The following NIBAN2 variants were observed in gnomAD, a reference collection of about 807,000 sequenced individuals.
NIBAN2 encodes protein Niban 2.
A neutral mutation model predicts 81.8 loss-of-function variants in NIBAN2; 36 were observed. That is an observed-to-expected ratio of 0.44 (90% CI 0.34 to 0.58). The LOEUF is 0.58. Among genes scored for constraint, NIBAN2 ranks in the 20% least tolerant of loss-of-function variants. The probability of loss-of-function intolerance (pLI) is 0.02; values close to 1 mark genes in which losing one functional copy is unlikely to be tolerated. For synonymous variants in NIBAN2, 445 were observed against 441.6 expected, an observed-to-expected ratio of 1.01 and a Z score of -0.10; for missense variants, 897 against 1,014.1, an observed-to-expected ratio of 0.88 and a Z score of 1.57.
rs1423890066 is a variant in NIBAN2 at position 127,536,235 on chromosome 9, G to A, written c.56-4457C>T. On this transcript the variant is annotated intron_variant, in intron 1 of 13. Transcript: ENST00000373312. This position sits in a 1 kb window ranked among gnomAD's most constrained non-coding sequence, Gnocchi z 4.0. ...GGTGCTGGGGACCCCAGGTGTGGAG[G>A]CCAGAGGGACCCAAAAGGCCAGCAG... 6.6e-6 allele frequency among the ~76,000 whole-genome samples: 1 copy of A among 152,170 alleles called. No individual in the cohort carries two copies. The highest frequency in any genetic ancestry group is 1.5e-5 in the Non-Finnish European group (1 of 68,018).
At chr9:127,513,313 G>A (rs1320075942) in intron 8 of NIBAN2, among the ~76,000 whole-genome samples, 1 of 152,118 alleles carries the variant, frequency 6.6e-6, no homozygotes, top group Non-Finnish European at 1.5e-5. Flanking sequence ...CGAGGGCGAG[G>A]GGGAGATGGG....
rs768419805 is a variant in NIBAN2 at position 127,517,109 on chromosome 9, C to G, written c.810+3G>C. Reference sequence around the variant, plus strand: ...CCCGCTCCAGGGCCCCAGGCCCACCCACCTGGATCCACTGCCGCTGCCGCT... The same window carrying G: ...CCCGCTCCAGGGCCCCAGGCCCACCGACCTGGATCCACTGCCGCTGCCGCT... On this transcript the variant is annotated splice_donor_region_variant and intron_variant, in intron 7 of 13. Transcript: ENST00000373312. The surrounding 1 kb of genome is among the most constrained non-coding windows in gnomAD (Gnocchi z 4.0). The G allele has an allele frequency of 6.2e-7, 1 of 1,613,276 alleles. No individual in the cohort carries two copies. The highest frequency in any genetic ancestry group is 1.1e-5 in the South Asian group (1 of 91,018).
rs547292036 is a variant in NIBAN2, at chr9:127,565,941, C to G, written c.55+2879G>C. On this transcript the variant is annotated intron_variant, in intron 1 of 13. Coordinates refer to ENST00000373312, the MANE Select transcript of NIBAN2 (RefSeq NM_022833.4). ...ATAGGGAGACCCTGTCTCTCTCTCT[C>G]TCTCTCACACACACACACACACACA... Among the ~76,000 whole-genome samples the G allele has an allele frequency of 1.2e-3, 165 of 136,026 alleles. 1 individual carries two copies. The highest frequency in any genetic ancestry group is 1.5e-3 in the Non-Finnish European group (96 of 65,596). The allele number at this position is 136,026 out of a possible 152,430, so 89.2% of individuals were successfully genotyped here. A position where few individuals can be genotyped will look rare whatever the true frequency, so the allele number is the denominator to read the frequency against.
At chr9:127,554,618 T>C (rs1837635346) in intron 1 of NIBAN2, among the ~76,000 whole-genome samples, 1 of 144,298 alleles carries the variant, frequency 6.9e-6, no homozygotes, top group African/African-American at 2.6e-5. Flanking sequence ...TGGAGTGCTA[T>C]GGCACGATCT....
chr9:127,568,581 GAGA>G (rs1457424673), intron 1 of NIBAN2, among the ~76,000 whole-genome samples: 9 of 152,008 alleles, frequency 5.9e-5, no homozygotes, highest in African/African-American at 1.9e-4. Context: ...GGTTCCGGGA[GAGA>G]AGGAGTTCCG....
In NIBAN2 at chr9:127,536,524, T is replaced by C. The variant is rs1211406212; in HGVS notation, c.56-4746A>G. Among the ~76,000 whole-genome samples, 1 of 152,178 alleles carries C rather than the reference T, an allele frequency of 6.6e-6. No homozygotes were observed. Among genetic ancestry groups the C allele is most frequent in the Non-Finnish European group, 1.5e-5 (1 of 68,020 alleles). On this transcript the variant is annotated intron_variant, in intron 1 of 13. Transcript: ENST00000373312. This position sits in a 1 kb window ranked among gnomAD's most constrained non-coding sequence, Gnocchi z 4.0. ...TTACAACTCAAATTCCCACATGGCG[T>C]CCCGGCCTGGGTGTCTGTGGGGGTC... is the stretch of plus-strand genomic sequence containing the variant.
chr9:127,558,162 C>T (rs923982034), intron 1 of NIBAN2, among the ~76,000 whole-genome samples: 1 of 152,170 alleles, frequency 6.6e-6, no homozygotes, highest in Non-Finnish European at 1.5e-5. Flanking sequence ...ATAGACGGGC[C>T]TGGGCTGTCT....
intron 1 of NIBAN2, among the ~76,000 whole-genome samples, chr9:127,554,996 C>T (rs1837642539): frequency 6.6e-6 from 1 of 152,038 alleles, no homozygotes; most frequent in Non-Finnish European, 1.5e-5. Flanking sequence ...ATCCATTATC[C>T]CACCACTCCA....
rs189337398 is a variant in NIBAN2, at chr9:127,552,695, T to G, written c.55+16125A>C. 2.7e-3 allele frequency among the ~76,000 whole-genome samples: 390 copies of G among 141,880 alleles called. 1 individual carries two copies. Among genetic ancestry groups the G allele is most frequent in the African/African-American group, 9.7e-3 (366 of 37,834 alleles). The allele number at this position is 141,880 out of a possible 152,430, so 93.1% of individuals were successfully genotyped here. ...GTAATGGAATATTCGTTTTTTTTTT[T>G]TTTTTTTTTTTGAGACAGAGTCTTG... On this transcript the variant is annotated intron_variant, in intron 1 of 13. Transcript: ENST00000373312.
chr9:127,567,287 A>G (rs1436729240), intron 1 of NIBAN2, among the ~76,000 whole-genome samples: 1 of 152,196 alleles, frequency 6.6e-6, no homozygotes, highest in East Asian at 1.9e-4. Context: ...AGGGACTGTT[A>G]CAGAGCCCCA....
rs1836978360 is a variant in NIBAN2 at position 127,523,182 on chromosome 9, AAAAAAAAAAAATATATATATATAT to A, written c.589+473_589+496del. Among the ~76,000 whole-genome samples the A allele has an allele frequency of 5.7e-5, 2 of 35,198 alleles. 1 individual carries two copies. The highest frequency in any genetic ancestry group is 2.7e-4 in the African/African-American group (2 of 7,390). The allele number at this position is 35,198 out of a possible 152,430, so 23.1% of individuals were successfully genotyped here. On this transcript the variant is annotated intron_variant, in intron 5 of 13. Coordinates refer to ENST00000373312, the MANE Select transcript of NIBAN2 (RefSeq NM_022833.4). ...GGTTGGTGGTTTTAAAAAAAAAAAA[AAAAAAAAAAAATATATATATATAT>A]ATATATATATATATATATATATATA...
chr9:127,561,054 G>A, intron 1 of NIBAN2: 1 of 908,066 alleles, frequency 1.1e-6, no homozygotes, highest in South Asian at 5.0e-5. Flanking sequence ...GGGTGGGCAA[G>A]GAGGGAGCAT....
At chr9:127,523,633 G>C in intron 5 of NIBAN2, 46 bp downstream of exon 5, 1 of 1,581,234 alleles carries the variant, frequency 6.3e-7, no homozygotes, top group East Asian at 2.3e-5. Flanking sequence ...AATAACCCAG[G>C]TCCTGCCCCT....
At chr9:127,535,015 TG>T (rs533091736) in intron 1 of NIBAN2, among the ~76,000 whole-genome samples, 373 of 151,256 alleles carry the variant, frequency 2.5e-3, no homozygotes, top group Non-Finnish European at 4.3e-3. Flanking sequence ...AAGCCAGTGC[TG>T]TTGTTTTCCT....
At chr9:127,516,469 A>C (rs1055952529) in intron 8 of NIBAN2, among the ~76,000 whole-genome samples, 1 of 152,184 alleles carries the variant, frequency 6.6e-6, no homozygotes, top group Non-Finnish European at 1.5e-5. Context: ...GAATTGTTTG[A>C]ATCCGGGAGG....
chr9:127,515,708 G>T (rs1336276224), intron 8 of NIBAN2, among the ~76,000 whole-genome samples: 4 of 149,442 alleles, frequency 2.7e-5, no homozygotes, highest in Non-Finnish European at 5.9e-5. Context: ...ATGGTAGCAG[G>T]TGCCTGTAAT....
At chr9:127,529,519 G>A (rs1837139951) in intron 2 of NIBAN2, among the ~76,000 whole-genome samples, 2 of 152,148 alleles carry the variant, frequency 1.3e-5, no homozygotes, top group African/African-American at 4.8e-5. Flanking sequence ...GGATGCCTGT[G>A]ATCCCAGCTA....
In NIBAN2 at chr9:127,568,852, T is replaced by G. The variant is rs1303164823; in HGVS notation, c.23A>C (p.His8Pro). The change falls in exon 1 of 14, where the codon CAC (histidine) becomes CCC (proline). Residue 8 changes from histidine to proline, a missense_variant. By Grantham distance (77) the His-to-Pro change is moderately conservative. This residue lies in a region of NIBAN2 where 209 missense variants were observed against 208.4 expected (regional missense o/e 1.00). Transcript: ENST00000373312. The stretch of plus-strand genomic sequence containing the variant: ...GTGCTGGCGCCGGGCGTCGTCCAGG[T>G]GCGTGGACAGCACGTCCCCCATGGC... MGDVLSTHLDDARRQHIA... is the reference protein window; with the variant it reads MGDVLSTPLDDARRQHIA... The G allele has an allele frequency of 1.5e-6, 2 of 1,367,464 alleles. No homozygotes were observed. The highest frequency in any genetic ancestry group is 1.9e-6 in the Non-Finnish European group (2 of 1,055,504). The allele number at this position is 1,367,464 out of a possible 1,614,324, so 84.7% of individuals were successfully genotyped here. A position where few individuals can be genotyped will look rare whatever the true frequency, so the allele number is the denominator to read the frequency against.
rs768835547 is a variant in NIBAN2, at chr9:127,510,320, G to GC, written c.986_987insG (p.Lys330GlnfsTer31). ...GGTTCCGCACGCACACCTCTGCCTT[G>GC]GGGAGGATGAAGGCTGTGCCCCGAG... On this transcript the variant is annotated frameshift_variant, in exon 9 of 14. Coordinates refer to ENST00000373312, the MANE Select transcript of NIBAN2 (RefSeq NM_022833.4). LOFTEE classifies it high-confidence loss of function. 1.2e-6 allele frequency: 2 copies of GC among 1,606,538 alleles called. No homozygotes were observed. The highest frequency in any genetic ancestry group is 1.7e-6 in the Non-Finnish European group (2 of 1,174,388).
Sources: gnomAD v4.1 joint callset for allele counts (sites outside exome capture counted in the v4.1 genomes callset) on GRCh38, gnomAD v4.1.1 for gene constraint, gnomAD v4.1.1 regional missense constraint, Gnocchi (gnomAD v3.1) non-coding constraint, MANE v1.5 for transcripts, NCBI Gene and HGNC (gene_info 2026-07-23, HGNC 2026-07-21) for gene names.